HLCS: variants seen among roughly 807,000 people sequenced by gnomAD.
The protein encoded by HLCS is holocarboxylase synthetase.
Under a neutral mutation model 75.0 loss-of-function variants are expected in HLCS, and 53 were observed. The ratio of observed to expected loss-of-function variants is 0.71; its 90% CI spans 0.57 to 0.89. The LOEUF is 0.89. Among genes scored for constraint, HLCS ranks in the 40% least tolerant of loss-of-function variants. The probability of loss-of-function intolerance (pLI) is 0.00; values close to 1 mark genes in which losing one functional copy is unlikely to be tolerated. For missense variants in HLCS, 966 were observed against 1,074.0 expected (o/e 0.90, Z 1.41); for synonymous variants, 431 against 428.6 (o/e 1.01, Z -0.07).
At chr21:36,876,266 C>A (rs1344172051) in intron 6 of HLCS, among the ~76,000 whole-genome samples, 1 of 152,178 alleles carries the variant, frequency 6.6e-6, no homozygotes. Context: ...AAAGGTACCA[C>A]CAGCCACAGA....
intron 5 of HLCS, among the ~76,000 whole-genome samples, chr21:36,922,097 CTG>C (rs888551148): frequency 2.6e-5 from 4 of 152,034 alleles, no homozygotes; most frequent in African/African-American, 9.7e-5. Context: ...TTAAAAGACT[CTG>C]TTTTTTTAAA....
rs371822724 is a variant in HLCS at position 36,984,339 on chromosome 21, C to G, written c.-393+5819G>C. Reference sequence around the variant, plus strand: ...GTTAGGCACAATAACAAATTAACAACTAATAATAAAATAGGGTAATAATAA... The same window carrying G: ...GTTAGGCACAATAACAAATTAACAAGTAATAATAAAATAGGGTAATAATAA... On this transcript the variant is annotated intron_variant, in intron 1 of 11. Coordinates refer to the HLCS transcript ENST00000336648. 7.2e-5 allele frequency among the ~76,000 whole-genome samples: 11 copies of G among 152,056 alleles called. No individual in the cohort carries two copies. The East Asian group carries it at 1.5e-3, about 21-fold the overall frequency.
intron 2 of HLCS, among the ~76,000 whole-genome samples, chr21:36,942,588 A>G (rs1476552286): frequency 1.3e-5 from 2 of 152,190 alleles, no homozygotes; most frequent in Non-Finnish European, 2.9e-5. Context: ...GACTTCTTAG[A>G]TAAGACACCA....
At chr21:36,907,737 T>C (rs531718505) in intron 5 of HLCS, among the ~76,000 whole-genome samples, 8 of 152,304 alleles carry the variant, frequency 5.3e-5, no homozygotes, top group African/African-American at 1.9e-4. Context: ...TTATTCTCAA[T>C]ACTTATATCA....
chr21:36,756,244 C>T (rs541641199), intron 10 of HLCS, among the ~76,000 whole-genome samples: 13 of 148,988 alleles, frequency 8.7e-5, no homozygotes, highest in Middle Eastern at 3.4e-3. Flanking sequence ...CGAGACCATC[C>T]TGGCTAACAC....
intron 6 of HLCS, among the ~76,000 whole-genome samples, chr21:36,895,838 G>C: frequency 6.6e-6 from 1 of 152,144 alleles, no homozygotes; most frequent in East Asian, 1.9e-4. Flanking sequence ...TTTTAACACC[G>C]CACTGAGGGA....
intron 6 of HLCS, among the ~76,000 whole-genome samples, chr21:36,844,345 A>G (rs2062722651): frequency 6.6e-6 from 1 of 152,098 alleles, no homozygotes; most frequent in South Asian, 2.1e-4. Flanking sequence ...GGGGAAACGG[A>G]GGGGGATTCG....
rs746214248 is a variant in HLCS at position 36,754,407 on chromosome 21, C to T, written c.2461G>A (p.Val821Ile). ...GGTCCCTCTGCGCTGCCCAGATGGA[C>T]TTGCTGACCACTGAAAAGGAAGAAC... is the stretch of plus-strand genomic sequence containing the variant. ...YRYWVHSGQQ[V>I]HLGSAEGPKV... Residue 821 changes from valine (V) to isoleucine (I), a missense_variant, in exon 11 of 11, where the codon GTC (valine) becomes ATC (isoleucine). Physicochemically the swap from Val to Ile is conservative, Grantham distance 29 (BLOSUM62 3). Transcript: ENST00000674895. The T allele has an allele frequency of 1.2e-6, 2 of 1,612,492 alleles. No individual in the cohort carries two copies. The highest frequency in any genetic ancestry group is 2.2e-5 in the East Asian group (1 of 44,884).
Position 36,959,690 on chromosome 21 carries a change from C to T in HLCS, c.330+2346G>A, listed in dbSNP as rs77577420. Among the ~76,000 whole-genome samples, 244 of 152,338 alleles carry T rather than the reference C, an allele frequency of 1.6e-3. 2 individuals are homozygous for T. The highest frequency in any genetic ancestry group is 5.6e-3 in the African/African-American group (233 of 41,580). On this transcript the variant is annotated intron_variant, in intron 2 of 10. Coordinates refer to ENST00000674895, the MANE Select transcript of HLCS (RefSeq NM_001352514.2). Reference sequence around the variant, plus strand: ...TGAAAACCTCAGACCCAGCCAGACTCACACAGAGGCTGGGACTACCAGCTG... The same window carrying T: ...TGAAAACCTCAGACCCAGCCAGACTTACACAGAGGCTGGGACTACCAGCTG...
At chr21:36,925,336 G>A (rs1335911825) in intron 5 of HLCS, among the ~76,000 whole-genome samples, 1 of 152,086 alleles carries the variant, frequency 6.6e-6, no homozygotes, top group Non-Finnish European at 1.5e-5. Context: ...TGTTTCTCAG[G>A]TCACCTACAC....
chr21:36,780,490 T>A (rs2060494272), intron 6 of HLCS, among the ~76,000 whole-genome samples: 1 of 152,080 alleles, frequency 6.6e-6, no homozygotes, highest in Non-Finnish European at 1.5e-5. Context: ...AGTGCTGGGA[T>A]TACAGGCATA....
At position 36,977,590 on chromosome 21, in the gene HLCS, GC is replaced by G. The variant is rs547029472; in HGVS notation, c.-393+12567del. 5.9e-5 allele frequency among the ~76,000 whole-genome samples: 9 copies of G among 152,342 alleles called. No homozygotes were observed. The South Asian group carries it at 1.9e-3, about 32-fold the overall frequency. On this transcript the variant is annotated intron_variant, in intron 1 of 11. Coordinates refer to the HLCS transcript ENST00000336648. The stretch of plus-strand genomic sequence containing the variant: ...TTACAACCACATGAAAAAGGCATTA[GC>G]CAGTCATCCTGCCCAGCAGCCCAAT...
chr21:36,872,459 T>C (rs1256242901), intron 6 of HLCS, among the ~76,000 whole-genome samples: 1 of 151,988 alleles, frequency 6.6e-6, no homozygotes, highest in Non-Finnish European at 1.5e-5. Context: ...TTATGTAAAA[T>C]TGGCCTACCT....
intron 6 of HLCS, among the ~76,000 whole-genome samples, chr21:36,775,049 G>A (rs1222395185): frequency 1.3e-5 from 2 of 152,170 alleles, no homozygotes; most frequent in Non-Finnish European, 2.9e-5. Context: ...GAGGCAACAC[G>A]GGAATCGGGA....
At chr21:36,956,499 T>A (rs917404166) in intron 2 of HLCS, among the ~76,000 whole-genome samples, 1 of 151,824 alleles carries the variant, frequency 6.6e-6, no homozygotes, top group East Asian at 1.9e-4. Context: ...GAGGCCGAGG[T>A]GGGCAAATCA....
chr21:36,766,881 G>A (rs1248236314), intron 7 of HLCS, among the ~76,000 whole-genome samples: 1 of 152,158 alleles, frequency 6.6e-6, no homozygotes, highest in African/African-American at 2.4e-5. Flanking sequence ...GGCTCCTTAT[G>A]GAGAACCTTC....
intron 1 of HLCS, among the ~76,000 whole-genome samples, chr21:36,965,971 C>G (rs1489867372): frequency 6.6e-6 from 1 of 152,146 alleles, no homozygotes; most frequent in East Asian, 1.9e-4. Flanking sequence ...GTTGCCCAGG[C>G]TGGTCTCCAT....
intron 6 of HLCS, among the ~76,000 whole-genome samples, chr21:36,894,113 A>G (rs943198041): frequency 6.6e-6 from 1 of 152,070 alleles, no homozygotes; most frequent in Non-Finnish European, 1.5e-5. Context: ...CTGGTTGTTT[A>G]AAAGTGTGTG....
At chr21:36,967,302 C>T (rs930651800), upstream of HLCS, among the ~76,000 whole-genome samples, 3 of 152,136 alleles carry the variant, frequency 2.0e-5, no homozygotes, top group African/African-American at 4.8e-5. Flanking sequence ...CACATACATT[C>T]ACGGGATGCA....
Sources: allele counts gnomAD v4.1 joint callset (sites outside exome capture counted in the v4.1 genomes callset), GRCh38; gene constraint gnomAD v4.1.1; transcripts MANE v1.5; gene names NCBI Gene and HGNC (gene_info 2026-07-23, HGNC 2026-07-21).